KCNH5: variants seen among roughly 807,000 people sequenced by gnomAD.
The protein encoded by KCNH5 is potassium voltage-gated channel subfamily H member 5.
Under a neutral mutation model 96.1 loss-of-function variants are expected in KCNH5, and 46 were observed. That is an observed-to-expected ratio of 0.48 (90% CI 0.38 to 0.61). The LOEUF is 0.61. Among genes scored for constraint, KCNH5 ranks in the 20% least tolerant of loss-of-function variants. The pLI, the probability that KCNH5 is intolerant of heterozygous loss-of-function variation, is 0.00. For synonymous variants in KCNH5, 439 were observed against 449.8 expected (o/e 0.98, Z 0.30); for missense variants, 907 against 1,225.8 (o/e 0.74, Z 3.88).
chr14:62,754,528 A>C (rs1284626651), intron 10 of KCNH5, among the ~76,000 whole-genome samples: 2 of 152,116 alleles, frequency 1.3e-5, no homozygotes, highest in African/African-American at 4.8e-5. Flanking sequence ...TATAAAGCAC[A>C]CACAGACTAA....
chr14:62,799,694 T>TAC (rs1886612545), intron 9 of KCNH5, among the ~76,000 whole-genome samples: 1 of 42,034 alleles, frequency 2.4e-5, no homozygotes, highest in Non-Finnish European at 4.5e-5. Context: ...TATACCTTTA[T>TAC]ATATATATAT....
chr14:62,702,742 G>A lies in KCNH5; in HGVS notation c.*4766C>T, dbSNP rs1297532042. The A allele has an allele frequency of 6.6e-6, 1 of 151,848 alleles. No individual in the cohort carries two copies. Among genetic ancestry groups the A allele is most frequent in the Non-Finnish European group, 1.5e-5 (1 of 67,826 alleles). The allele number at this position is 151,848 out of a possible 1,614,324, so 9.4% of individuals were successfully genotyped here. Reference sequence around the variant, plus strand: ...CCCAGTCCAAATCCTCAGTGGTCCTGACCCTCATAAAGAATGCAAACACAG... The same window carrying A: ...CCCAGTCCAAATCCTCAGTGGTCCTAACCCTCATAAAGAATGCAAACACAG... On this transcript the variant is annotated 3_prime_UTR_variant, in exon 11 of 11. Transcript: ENST00000322893.
intron 5 of KCNH5, among the ~76,000 whole-genome samples, chr14:62,984,521 T>C (rs566570767): frequency 2.6e-4 from 40 of 152,338 alleles, no homozygotes; most frequent in African/African-American, 8.7e-4. Context: ...TACAAGAGTT[T>C]TGAGTACCAC....
At chr14:62,937,682 G>T (rs557377509) in intron 7 of KCNH5, among the ~76,000 whole-genome samples, 110 of 152,302 alleles carry the variant, frequency 7.2e-4, no homozygotes, top group Non-Finnish European at 1.3e-3. Context: ...AAGAAGATTC[G>T]TAAGATTGCT....
intron 7 of KCNH5, among the ~76,000 whole-genome samples, chr14:62,942,195 T>C (rs576455648): frequency 6.6e-6 from 1 of 152,122 alleles, no homozygotes; most frequent in Non-Finnish European, 1.5e-5. Flanking sequence ...CTCCATGCCA[T>C]GGACAGGGGC....
At chr14:62,919,760 C>A (rs2140107347) in intron 7 of KCNH5, among the ~76,000 whole-genome samples, 1 of 152,200 alleles carries the variant, frequency 6.6e-6, no homozygotes, top group African/African-American at 2.4e-5. Context: ...GTACTGATTA[C>A]TCTTATTATC....
At chr14:62,719,192 G>C (rs1456099953) in intron 10 of KCNH5, among the ~76,000 whole-genome samples, 1 of 152,196 alleles carries the variant, frequency 6.6e-6, no homozygotes, top group African/African-American at 2.4e-5. Flanking sequence ...AAAATATTGT[G>C]AATTGTATGG....
intron 7 of KCNH5, among the ~76,000 whole-genome samples, chr14:62,886,778 G>A (rs1888606869): frequency 6.6e-6 from 1 of 152,088 alleles, no homozygotes; most frequent in Non-Finnish European, 1.5e-5. Context: ...ATAGTTTGAG[G>A]TTTATAAAGC....
intron 1 of KCNH5, among the ~76,000 whole-genome samples, chr14:63,029,653 T>C (rs1891590151): frequency 6.6e-6 from 1 of 151,902 alleles, no homozygotes; most frequent in African/African-American, 2.4e-5. Context: ...AATAAAATAC[T>C]TGAGAAAAAT....
At chr14:62,885,329 T>C (rs1372990199) in intron 7 of KCNH5, among the ~76,000 whole-genome samples, 1 of 152,218 alleles carries the variant, frequency 6.6e-6, no homozygotes, top group African/African-American at 2.4e-5. Flanking sequence ...TATTATGATA[T>C]CACTTATCCT....
chr14:62,789,161 T>A (rs1393327981), intron 9 of KCNH5, among the ~76,000 whole-genome samples: 3 of 152,114 alleles, frequency 2.0e-5, no homozygotes, highest in Non-Finnish European at 2.9e-5. Flanking sequence ...AGATTCTACA[T>A]ATAAGTGAGA....
At chr14:62,878,214 G>A (rs909466205) in intron 7 of KCNH5, among the ~76,000 whole-genome samples, 66 of 149,440 alleles carry the variant, frequency 4.4e-4, no homozygotes, top group African/African-American at 1.6e-3. Flanking sequence ...GGGGGGGGGC[G>A]GAGGGATAGC....
rs188218792 is a variant in KCNH5 at position 62,775,824 on chromosome 14, G to A, written c.2019+3904C>T. ...TCACCTGATTGTAAGTAAAGTAATT[G>A]AAATACAATCTTCCTCATTTCTTTA... is the stretch of plus-strand genomic sequence containing the variant. On this transcript the variant is annotated intron_variant, in intron 10 of 10. Coordinates refer to ENST00000322893, the MANE Select transcript of KCNH5 (RefSeq NM_139318.5). Among the ~76,000 whole-genome samples, 548 of 152,240 alleles carry A rather than the reference G, an allele frequency of 3.6e-3. 5 individuals carry two copies. The highest frequency in any genetic ancestry group is 5.2e-3 in the Non-Finnish European group (356 of 68,012).
intron 7 of KCNH5, among the ~76,000 whole-genome samples, chr14:62,877,811 G>A (rs1888406918): frequency 6.6e-6 from 1 of 151,828 alleles, no homozygotes; most frequent in Non-Finnish European, 1.5e-5. Flanking sequence ...TCTAGAACTT[G>A]AAATACCATT....
chr14:62,808,195 G>T (rs139099642), intron 8 of KCNH5, among the ~76,000 whole-genome samples: 1,764 of 152,230 alleles, frequency 0.012, 18 homozygotes, highest in Non-Finnish European at 0.017. Flanking sequence ...TGGACTTTTG[G>T]TAAAAGATTC....
intron 8 of KCNH5, among the ~76,000 whole-genome samples, chr14:62,808,611 T>C (rs997647853): frequency 6.6e-6 from 1 of 152,122 alleles, no homozygotes; most frequent in Non-Finnish European, 1.5e-5. Context: ...ACAGGAAGCA[T>C]TATCAAATGT....
At chr14:62,858,019 A>C (rs1255198860) in intron 7 of KCNH5, among the ~76,000 whole-genome samples, 1 of 152,218 alleles carries the variant, frequency 6.6e-6, no homozygotes, top group Non-Finnish European at 1.5e-5. Flanking sequence ...AAATACTATT[A>C]AAGTTAACAA....
At chr14:62,710,300 T>A (rs1320746599) in intron 10 of KCNH5, among the ~76,000 whole-genome samples, 3 of 152,214 alleles carry the variant, frequency 2.0e-5, no homozygotes. Context: ...AAGGCCAACA[T>A]ATTTTTTCTT....
intron 8 of KCNH5, among the ~76,000 whole-genome samples, chr14:62,822,661 G>A (rs367646147): frequency 3.5e-4 from 47 of 133,474 alleles, no homozygotes; most frequent in African/African-American, 1.4e-3. Flanking sequence ...AGTGTACTAC[G>A]TAAAATGAAA....
Sources: gnomAD v4.1 joint callset for allele counts (sites outside exome capture counted in the v4.1 genomes callset) on GRCh38, gnomAD v4.1.1 for gene constraint, MANE v1.5 for transcripts, NCBI Gene and HGNC (gene_info 2026-07-23, HGNC 2026-07-21) for gene names.